ZZZ3: variants seen among roughly 807,000 people sequenced by gnomAD.
The protein encoded by ZZZ3 is zinc finger ZZ-type containing 3, also known as ZZ-type zinc finger-containing protein 3.
A neutral mutation model predicts 95.2 loss-of-function variants in ZZZ3; 22 were observed. That is an observed-to-expected ratio of 0.23 (90% confidence interval 0.17 to 0.33). The LOEUF (loss-of-function observed/expected upper bound fraction) is 0.33. ZZZ3 is among the 10% of genes least tolerant of loss of function. ZZZ3 has a pLI of 1.00. For missense variants in ZZZ3, 885 were observed against 1,066.5 expected, an observed-to-expected ratio of 0.83 and a Z score of 2.37; for synonymous variants, 335 against 358.9, an observed-to-expected ratio of 0.93 and a Z score of 0.75.
At chr1:77,634,515 G>A (rs1668121806) in intron 4 of ZZZ3, among the ~76,000 whole-genome samples, 1 of 152,118 alleles carries the variant, frequency 6.6e-6, no homozygotes, top group African/African-American at 2.4e-5. Context: ...CAAGTGAAAG[G>A]GAGTGTTCCA....
chr1:77,679,199 A>T (rs931480208), intron 1 of ZZZ3, among the ~76,000 whole-genome samples: 2 of 152,250 alleles, frequency 1.3e-5, no homozygotes, highest in African/African-American at 4.8e-5. Context: ...TTTGCACCAG[A>T]GTATATACCA....
intron 6 of ZZZ3, 115 bp downstream of exon 6, chr1:77,584,402 A>G: frequency 9.4e-7 from 1 of 1,061,060 alleles, no homozygotes; most frequent in East Asian, 2.7e-5. Flanking sequence ...CTAATTATAG[A>G]CGAAAAAAAT....
rs1449870733 is a variant in ZZZ3, at chr1:77,632,226, T to C, written c.1129A>G (p.Thr377Ala). Reference sequence around the variant, plus strand: ...GCCCTTCGTGGTGAGGTTCTCAGAGTATAACGATGTTCTTGAGGTTCTGAT... The same window carrying C: ...GCCCTTCGTGGTGAGGTTCTCAGAGCATAACGATGTTCTTGAGGTTCTGAT... ...SLSEPQEHRY[T>A]LRTSPRRAAP... Residue 377 changes from threonine (T) to alanine (A), a missense_variant, in exon 5 of 15, where the codon ACT becomes GCT. Thr to Ala is a moderately conservative substitution (Grantham distance 58, BLOSUM62 0). Around this residue, in one of 5 missense-constraint regions of ZZZ3, gnomAD observed 556 missense variants for 652.9 expected, o/e 0.85. Coordinates refer to ENST00000370801, the MANE Select transcript of ZZZ3 (RefSeq NM_015534.6). The C allele has an allele frequency of 6.2e-7, 1 of 1,614,036 alleles. No homozygotes were observed. Among genetic ancestry groups the C allele is most frequent in the African/African-American group, 1.3e-5 (1 of 75,044 alleles).
chr1:77,579,489 A>C (rs754829194), intron 10 of ZZZ3, 38 bp downstream of exon 10: 1 of 1,466,974 alleles, frequency 6.8e-7, no homozygotes, highest in Non-Finnish European at 9.5e-7. Flanking sequence ...AAAACTACCA[A>C]AAGCATACCA....
intron 12 of ZZZ3, among the ~76,000 whole-genome samples, chr1:77,570,048 C>T (rs1661218911): frequency 6.6e-6 from 1 of 152,224 alleles, no homozygotes; most frequent in Non-Finnish European, 1.5e-5. Flanking sequence ...ATCAAGTAAA[C>T]AAAAGCTTAC....
At chr1:77,629,858 C>A (rs1254338076) in intron 5 of ZZZ3, among the ~76,000 whole-genome samples, 1 of 151,914 alleles carries the variant, frequency 6.6e-6, no homozygotes, top group East Asian at 1.9e-4. Context: ...ATAAAAGCAC[C>A]AATTAAGCTG....
In ZZZ3 at chr1:77,584,673, A is replaced by G; in HGVS notation, c.1506-18T>C. On this transcript the variant is annotated intron_variant, in intron 5 of 14. Coordinates refer to ENST00000370801, the MANE Select transcript of ZZZ3 (RefSeq NM_015534.6). ...TCTGATAACTACAGAGACAAAGAAA[A>G]ATATTTCACAAAAATTTTCTAGTAA... 2 of 1,529,252 alleles carry G rather than the reference A, an allele frequency of 1.3e-6. No individual in the cohort carries two copies. Among genetic ancestry groups the G allele is most frequent in the South Asian group, 1.3e-5 (1 of 76,584 alleles). The allele number at this position is 1,529,252 out of a possible 1,614,324, so 94.7% of individuals were successfully genotyped here.
At chr1:77,571,756 T>A (rs1031115640) in intron 12 of ZZZ3, among the ~76,000 whole-genome samples, 16 of 152,122 alleles carry the variant, frequency 1.1e-4, no homozygotes, top group African/African-American at 3.4e-4. Flanking sequence ...GAAAGCAGAA[T>A]AATGACTGCC....
At chr1:77,613,621 G>C (rs897956451) in intron 5 of ZZZ3, among the ~76,000 whole-genome samples, 1 of 152,014 alleles carries the variant, frequency 6.6e-6, no homozygotes. Flanking sequence ...AGTAAGTAAA[G>C]AGACTTTTTT....
chr1:77,605,467 C>T (rs969475232), intron 5 of ZZZ3, among the ~76,000 whole-genome samples: 7 of 152,206 alleles, frequency 4.6e-5, no homozygotes, highest in East Asian at 1.9e-4. Flanking sequence ...CAGCTGGGCT[C>T]GAAGCCAGGA....
intron 1 of ZZZ3, among the ~76,000 whole-genome samples, chr1:77,661,609 C>T (rs1170353263): frequency 6.6e-6 from 1 of 152,056 alleles, no homozygotes; most frequent in Non-Finnish European, 1.5e-5. Flanking sequence ...AAAATTACAA[C>T]CTCTCTGAGG....
At chr1:77,638,724 T>C (rs930635251) in intron 4 of ZZZ3, among the ~76,000 whole-genome samples, 14 of 152,194 alleles carry the variant, frequency 9.2e-5, no homozygotes, top group Admixed American at 6.5e-5. Context: ...TATATTCACA[T>C]AGACAAACCA....
chr1:77,571,644 T>C (rs1306819226), intron 12 of ZZZ3, among the ~76,000 whole-genome samples: 1 of 152,200 alleles, frequency 6.6e-6, no homozygotes, highest in African/African-American at 2.4e-5. Flanking sequence ...TGGATGAACC[T>C]TGAAGACCAT....
In ZZZ3 at chr1:77,639,182, G is replaced by T. The variant is rs143832594; in HGVS notation, c.-52+267C>A. The stretch of plus-strand genomic sequence containing the variant: ...TTTAAAAGACGATCAGGAAAAGGAA[G>T]TCAAGGAATTTCACAATGCCTCCTG... On this transcript the variant is annotated intron_variant, in intron 4 of 14. Coordinates refer to ENST00000370801, the MANE Select transcript of ZZZ3 (RefSeq NM_015534.6). Among the ~76,000 whole-genome samples the T allele has an allele frequency of 4.6e-5, 7 of 151,878 alleles. No individual in the cohort carries two copies. In the East Asian group the frequency reaches 7.7e-4, roughly 17 times the overall value.
At chr1:77,612,080 G>A (rs2100736687) in intron 5 of ZZZ3, among the ~76,000 whole-genome samples, 1 of 151,794 alleles carries the variant, frequency 6.6e-6, no homozygotes, top group East Asian at 1.9e-4. Flanking sequence ...ATCTGATAAG[G>A]GATTAGTATC....
rs1660663548 is a variant in ZZZ3, at chr1:77,564,573, G to C, written c.*1067C>G. On this transcript the variant is annotated 3_prime_UTR_variant, in exon 15 of 15. Coordinates refer to ENST00000370801, the MANE Select transcript of ZZZ3 (RefSeq NM_015534.6). ...CTCCTGACAAATGAACATCATTCAA[G>C]AACATACTGTATACACAGATAAGAA... 1 of 152,438 alleles carries C rather than the reference G, an allele frequency of 6.6e-6. No homozygotes were observed. Among genetic ancestry groups the C allele is most frequent in the Non-Finnish European group, 1.5e-5 (1 of 67,974 alleles). 9.4% of individuals were successfully genotyped at this position (152,438 alleles called of 1,614,324 possible).
chr1:77,627,573 TAAG>T (rs890634436), intron 5 of ZZZ3, among the ~76,000 whole-genome samples: 11 of 152,160 alleles, frequency 7.2e-5, no homozygotes, highest in South Asian at 4.1e-4. Context: ...CATGGTGCAA[TAAG>T]AAGGACATAT....
At chr1:77,653,685 G>A (rs759110488) in intron 1 of ZZZ3, among the ~76,000 whole-genome samples, 29 of 151,586 alleles carry the variant, frequency 1.9e-4, no homozygotes, top group African/African-American at 1.5e-4. Flanking sequence ...CCTGGGAGGC[G>A]GAGGTTGCGG....
intron 5 of ZZZ3, among the ~76,000 whole-genome samples, chr1:77,624,551 T>C (rs966619922): frequency 2.0e-5 from 3 of 152,188 alleles, no homozygotes; most frequent in African/African-American, 4.8e-5. Context: ...TGAGGGTTGC[T>C]GACCCAAACT....
Sources: allele counts gnomAD v4.1 joint callset (sites outside exome capture counted in the v4.1 genomes callset), GRCh38; gene constraint gnomAD v4.1.1; regional missense constraint gnomAD v4.1.1; transcripts MANE v1.5; gene names NCBI Gene and HGNC (gene_info 2026-07-23, HGNC 2026-07-21).